Variants in CWC27 observed in about 807,000 individuals in gnomAD.
The protein encoded by CWC27 is spliceosome-associated protein CWC27 homolog.
CWC27 carries 47 observed loss-of-function variants against 63.6 expected under a neutral mutation model. The observed-to-expected ratio is 0.74, with a 90% confidence interval of 0.58 to 0.94. CWC27 has a LOEUF of 0.94. Among genes scored for constraint, CWC27 ranks in the 40% least tolerant of loss-of-function variants. CWC27 has a pLI of 0.00. For synonymous variants in CWC27, 175 were observed against 179.8 expected, an observed-to-expected ratio of 0.97 and a Z score of 0.22; for missense variants, 495 against 554.3, an observed-to-expected ratio of 0.89 and a Z score of 1.07.
intron 7 of CWC27, among the ~76,000 whole-genome samples, chr5:64,797,710 A>T (rs1479774124): frequency 6.6e-6 from 1 of 152,228 alleles, no homozygotes; most frequent in African/African-American, 2.4e-5. Context: ...TCACATGCTT[A>T]TCATTTCTTG....
intron 13 of CWC27, among the ~76,000 whole-genome samples, chr5:65,007,626 CTTTTTTT>C (rs57750177): frequency 9.2e-6 from 1 of 108,164 alleles, no homozygotes; most frequent in African/African-American, 3.7e-5. Flanking sequence ...TCATCATTTT[CTTTTTTT>C]TTTTTTTTTT....
chr5:64,793,722 A>G (rs1418110502), intron 7 of CWC27, among the ~76,000 whole-genome samples: 1 of 152,210 alleles, frequency 6.6e-6, no homozygotes, highest in Non-Finnish European at 1.5e-5. Flanking sequence ...ATATTTCTAA[A>G]GGGCTTAAAA....
chr5:64,918,592 A>G (rs1747936102), intron 11 of CWC27, among the ~76,000 whole-genome samples: 1 of 152,212 alleles, frequency 6.6e-6, no homozygotes, highest in Non-Finnish European at 1.5e-5. Flanking sequence ...TGGAGTTCTT[A>G]ATTTAGCAGA....
intron 11 of CWC27, among the ~76,000 whole-genome samples, chr5:64,967,373 A>G (rs1055197758): frequency 6.6e-6 from 1 of 152,078 alleles, no homozygotes; most frequent in Admixed American, 6.5e-5. Flanking sequence ...TATACATTCA[A>G]TGCAGCTACT....
chr5:64,937,903 C>T (rs1748388980), intron 11 of CWC27, among the ~76,000 whole-genome samples: 1 of 144,242 alleles, frequency 6.9e-6, no homozygotes, highest in Admixed American at 6.9e-5. Context: ...TTATCAGAGA[C>T]TGGGATTGCA....
chr5:64,970,637 T>G (rs564693389), intron 11 of CWC27, among the ~76,000 whole-genome samples: 1 of 152,210 alleles, frequency 6.6e-6, no homozygotes, highest in Non-Finnish European at 1.5e-5. Context: ...AATGGTTCAT[T>G]TTTCCTTAAT....
chr5:64,961,281 C>T lies in CWC27; in HGVS notation c.1043-10422C>T, dbSNP rs116666618. The stretch of plus-strand genomic sequence containing the variant: ...GCTAAGTAATGTCACTTACCTGGTC[C>T]TTAGTTGCTTCATCTATCAACAGGA... On this transcript the variant is annotated intron_variant, in intron 11 of 13. Transcript: ENST00000381070. Among the ~76,000 whole-genome samples the T allele has an allele frequency of 1.5e-3, 224 of 152,258 alleles. 1 individual carries two copies. Among genetic ancestry groups the T allele is most frequent in the African/African-American group, 5.2e-3 (218 of 41,548 alleles).
At chr5:64,808,349 C>T in intron 10 of CWC27, 1 of 987,776 alleles carries the variant, frequency 1.0e-6, no homozygotes, top group Non-Finnish European at 1.2e-6. Context: ...TATTCCCTGA[C>T]TCCTTAGTGC....
At chr5:64,821,321 G>A (rs1248022669) in intron 10 of CWC27, among the ~76,000 whole-genome samples, 2 of 152,094 alleles carry the variant, frequency 1.3e-5, no homozygotes, top group Admixed American at 6.5e-5. Flanking sequence ...TTGACCGCAT[G>A]AGCCACCATG....
intron 13 of CWC27, among the ~76,000 whole-genome samples, chr5:64,985,531 T>C (rs1166427491): frequency 6.6e-6 from 1 of 152,210 alleles, no homozygotes; most frequent in African/African-American, 2.4e-5. Flanking sequence ...GGAGCTGTTA[T>C]AAATAGTATT....
intron 11 of CWC27, among the ~76,000 whole-genome samples, chr5:64,958,835 AT>A (rs1298191879): frequency 2.6e-5 from 4 of 152,172 alleles, no homozygotes; most frequent in African/African-American, 9.7e-5. Flanking sequence ...GAAGAAAAAA[AT>A]AACACTTCCA....
chr5:64,827,312 C>G (rs1165818776), intron 10 of CWC27, among the ~76,000 whole-genome samples: 1 of 152,092 alleles, frequency 6.6e-6, no homozygotes, highest in Non-Finnish European at 1.5e-5. Flanking sequence ...TCTTACCTAG[C>G]CTCAGAACTC....
chr5:65,006,075 T>A (rs887081600), intron 13 of CWC27, among the ~76,000 whole-genome samples: 10 of 150,714 alleles, frequency 6.6e-5, no homozygotes. Flanking sequence ...ATTTTTGTGT[T>A]GCTTGTGATT....
chr5:64,956,089 TC>T (rs1205914945), intron 11 of CWC27, among the ~76,000 whole-genome samples: 2 of 152,100 alleles, frequency 1.3e-5, no homozygotes, highest in African/African-American at 4.8e-5. Flanking sequence ...CTTAAAAAAT[TC>T]TTAGACACGA....
chr5:64,909,554 G>A (rs372828472), intron 11 of CWC27, among the ~76,000 whole-genome samples: 7 of 152,186 alleles, frequency 4.6e-5, no homozygotes, highest in East Asian at 1.9e-4. Context: ...CCATTCTCCC[G>A]TCACTTTCAG....
intron 13 of CWC27, among the ~76,000 whole-genome samples, chr5:65,007,011 A>G (rs539045974): frequency 7.1e-6 from 1 of 141,300 alleles, no homozygotes; most frequent in African/African-American, 2.7e-5. Context: ...AGAAAGAAAG[A>G]AAGAAAGAAA....
At position 64,906,622 on chromosome 5, in the gene CWC27, C is replaced by A. The variant is rs570640521; in HGVS notation, c.1042+21076C>A. Among the ~76,000 whole-genome samples the A allele has an allele frequency of 3.0e-3, 453 of 152,222 alleles. 3 individuals are homozygous for A. The highest frequency in any genetic ancestry group is 0.01 in the African/African-American group (429 of 41,536). On this transcript the variant is annotated intron_variant, in intron 11 of 13. Coordinates refer to ENST00000381070, the MANE Select transcript of CWC27 (RefSeq NM_005869.4). ...AAATTTTCTCCCATTCTGTAGGTTG[C>A]GTATTCACTCTGATAGTAGTTTCTT...
chr5:64,828,213 T>G (rs577083324), intron 10 of CWC27, among the ~76,000 whole-genome samples: 1 of 152,272 alleles, frequency 6.6e-6, no homozygotes, highest in South Asian at 2.1e-4. Flanking sequence ...ATTTTTAAAG[T>G]AGCTAGGATG....
At chr5:64,828,915 G>T (rs1409401642) in intron 10 of CWC27, among the ~76,000 whole-genome samples, 3 of 152,012 alleles carry the variant, frequency 2.0e-5, no homozygotes, top group Non-Finnish European at 4.4e-5. Flanking sequence ...AAGCAAAAGG[G>T]CAGGAAGCCA....
Sources: gnomAD v4.1 joint callset for allele counts (sites outside exome capture counted in the v4.1 genomes callset) on GRCh38, gnomAD v4.1.1 for gene constraint, MANE v1.5 for transcripts, NCBI Gene and HGNC (gene_info 2026-07-23, HGNC 2026-07-21) for gene names.